Variants in DLC1 observed in about 807,000 individuals in gnomAD.
DLC1 encodes the protein rho GTPase-activating protein 7.
DLC1 carries 54 observed loss-of-function variants against 140.3 expected under a neutral mutation model. The observed-to-expected ratio is 0.38, with a 90% confidence interval of 0.31 to 0.48. The LOEUF is 0.48. Among genes scored for constraint, DLC1 ranks in the 20% least tolerant of loss-of-function variants. The probability of loss-of-function intolerance (pLI) is 0.96; values close to 1 mark genes in which losing one functional copy is unlikely to be tolerated. For missense variants in DLC1, 2,536 were observed against 1,907.0 expected, an observed-to-expected ratio of 1.33 and a Z score of -6.14; for synonymous variants, 986 against 728.1, an observed-to-expected ratio of 1.35 and a Z score of -5.70.
intron 1 of DLC1, among the ~76,000 whole-genome samples, chr8:13,556,800 G>A (rs995882866): frequency 2.6e-5 from 4 of 152,160 alleles, no homozygotes; most frequent in Admixed American, 6.5e-5. Context: ...TGTCAGAGAC[G>A]CTGCTGAGTA....
chr8:13,587,546 C>A (rs1167024444), intron 1 of DLC1, among the ~76,000 whole-genome samples: 2 of 121,192 alleles, frequency 1.7e-5, no homozygotes, highest in Non-Finnish European at 3.6e-5. Flanking sequence ...TGTGACTATA[C>A]ACACACACAC....
chr8:13,299,156 A>C (rs959625045), intron 5 of DLC1, among the ~76,000 whole-genome samples: 1 of 151,978 alleles, frequency 6.6e-6, no homozygotes, highest in Non-Finnish European at 1.5e-5. Flanking sequence ...AAAAAAAAAA[A>C]ATGTGGATGG....
At chr8:13,095,022 C>T in intron 11 of DLC1, 64 bp downstream of exon 11, 1 of 1,613,526 alleles carries the variant, frequency 6.2e-7, no homozygotes, top group East Asian at 2.2e-5. Flanking sequence ...CACCACACAA[C>T]TAGAAGAAGC....
chr8:13,565,333 A>G lies in DLC1; in HGVS notation c.-126+39204T>C, dbSNP rs552238867. On this transcript the variant is annotated intron_variant, in intron 1 of 1. Transcript: ENST00000631382. Reference sequence around the variant, plus strand: ...ATTTTAAGTATAGCTCCCTTGTTCAATGTTATGGATAAGATATAGCTAAAA... The same window carrying G: ...ATTTTAAGTATAGCTCCCTTGTTCAGTGTTATGGATAAGATATAGCTAAAA... Among the ~76,000 whole-genome samples, 39 of 152,314 alleles carry G rather than the reference A, an allele frequency of 2.6e-4. No individual in the cohort carries two copies. In the South Asian group the frequency reaches 6.4e-3, roughly 25 times the overall value.
intron 5 of DLC1, among the ~76,000 whole-genome samples, chr8:13,265,643 T>C (rs1830654032): frequency 6.6e-6 from 1 of 152,062 alleles, no homozygotes; most frequent in Non-Finnish European, 1.5e-5. Context: ...CAAATGTCCT[T>C]CATAGGCTGT....
At chr8:13,451,254 G>T (rs1275610211) in intron 2 of DLC1, among the ~76,000 whole-genome samples, 12 of 151,750 alleles carry the variant, frequency 7.9e-5, no homozygotes, top group Admixed American at 7.9e-4. Context: ...ATACATAGTA[G>T]GTGTATATAT....
chr8:13,363,358 A>G (rs1252080677), intron 4 of DLC1, among the ~76,000 whole-genome samples: 3 of 141,368 alleles, frequency 2.1e-5, no homozygotes, highest in African/African-American at 8.0e-5. Context: ...CGTGAATGCT[A>G]AGCATTTGCA....
intron 5 of DLC1, among the ~76,000 whole-genome samples, chr8:13,139,601 C>G (rs556819395): frequency 2.0e-4 from 30 of 152,292 alleles, no homozygotes; most frequent in African/African-American, 6.7e-4. Flanking sequence ...GATAAATCAA[C>G]CAGCATGCTT....
intron 1 of DLC1, among the ~76,000 whole-genome samples, chr8:13,508,407 G>A (rs569440930): frequency 2.1e-5 from 3 of 145,300 alleles, no homozygotes; most frequent in South Asian, 2.2e-4. Context: ...CTTTATGGAT[G>A]TAGTAACTTC....
chr8:13,581,903 C>T (rs556956458), intron 1 of DLC1, among the ~76,000 whole-genome samples: 4 of 152,118 alleles, frequency 2.6e-5, no homozygotes, highest in Admixed American at 6.5e-5. Context: ...CTGAAGTCCA[C>T]GCATCAAAGG....
intron 5 of DLC1, among the ~76,000 whole-genome samples, chr8:13,154,436 C>T (rs1327241420): frequency 6.6e-6 from 1 of 152,228 alleles, no homozygotes; most frequent in African/African-American, 2.4e-5. Context: ...AGCTGCTGGC[C>T]TGCGTGCTAA....
chr8:13,378,954 A>G (rs1836125231), intron 4 of DLC1, among the ~76,000 whole-genome samples: 1 of 152,208 alleles, frequency 6.6e-6, no homozygotes, highest in Non-Finnish European at 1.5e-5. Flanking sequence ...ATAAATATAT[A>G]ATGTTAACAG....
At chr8:13,427,280 A>G (rs1462164156) in intron 2 of DLC1, among the ~76,000 whole-genome samples, 1 of 151,886 alleles carries the variant, frequency 6.6e-6, no homozygotes, top group Non-Finnish European at 1.5e-5. Flanking sequence ...TCTCTGTCCA[A>G]CTCGGCTCAT....
At position 13,100,484 on chromosome 8, in the gene DLC1, G is replaced by T. The variant is rs750401501; in HGVS notation, c.1853C>A (p.Thr618Asn). The change falls in exon 9 of 18, where the codon ACT becomes AAT. Residue 618 changes from threonine to asparagine, a missense_variant. Coordinates refer to ENST00000276297, the MANE Select transcript of DLC1 (RefSeq NM_182643.3). ...GGAGCAAACGCTGATGACGGAGTTA[G>T]TCCGGGGGGTGGCAGCATCCTCGCT... Reference protein sequence around the residue: ...PPSEDAATPRTNSVISVCSSS... With the variant: ...PPSEDAATPRNNSVISVCSSS... 3 of 1,613,018 alleles carry T rather than the reference G, an allele frequency of 1.9e-6. No individual in the cohort carries two copies. The highest frequency in any genetic ancestry group is 2.5e-6 in the Non-Finnish European group (3 of 1,179,968).
At chr8:13,386,853 G>A (rs539562593) in intron 4 of DLC1, among the ~76,000 whole-genome samples, 2 of 151,794 alleles carry the variant, frequency 1.3e-5, no homozygotes, top group African/African-American at 4.8e-5. Flanking sequence ...TATAAATTTT[G>A]CCTATTTTTC....
chr8:13,088,793 G>T, intron 15 of DLC1, 89 bp from the exon 16 acceptor site: 1 of 1,097,950 alleles, frequency 9.1e-7, no homozygotes, highest in Non-Finnish European at 1.3e-6. Flanking sequence ...AACAATTTTA[G>T]TTACATATAA....
intron 4 of DLC1, among the ~76,000 whole-genome samples, chr8:13,390,878 C>T (rs1836725026): frequency 6.6e-6 from 1 of 151,898 alleles, no homozygotes; most frequent in South Asian, 2.1e-4. Context: ...GTCCCAGCTA[C>T]TCGGGAGGCT....
chr8:13,499,098 A>G lies in DLC1; in HGVS notation c.974T>C (p.Leu325Pro), dbSNP rs151016316. ...GTTATCTGTGGGTTCCTGGGTGGCC[A>G]GGGTCTCCTTTAATTGTAAACACTG... ...GMQCLQLKET[L>P]ATQEPTDNQV... The change falls in exon 2 of 18, where the codon CTG (leucine) becomes CCG (proline). Residue 325 changes from leucine to proline, a missense_variant. Transcript: ENST00000276297. The G allele has an allele frequency of 1.1e-5, 18 of 1,613,850 alleles. No homozygotes were observed. In the African/African-American group the frequency reaches 1.5e-4, roughly 13 times the overall value.
chr8:13,500,201 T>A lies in DLC1; in HGVS notation c.-125-5A>T. 2.4e-6 allele frequency: 2 copies of A among 817,138 alleles called. No individual in the cohort carries two copies. Among genetic ancestry groups the A allele is most frequent in the Non-Finnish European group, 3.7e-6 (2 of 541,306 alleles). The allele number at this position is 817,138 out of a possible 1,614,324, so 50.6% of individuals were successfully genotyped here. A position where few individuals can be genotyped will look rare whatever the true frequency, so the allele number is the denominator to read the frequency against. ...TGAGTTCTGTCATTTCACCACCTAT[T>A]AAAAAATTCAAAAAAATATGTAGTC... On this transcript the variant is annotated splice_polypyrimidine_tract_variant and splice_region_variant and intron_variant, in intron 1 of 17. Coordinates refer to ENST00000276297, the MANE Select transcript of DLC1 (RefSeq NM_182643.3).
Sources: gnomAD v4.1 joint callset for allele counts (sites outside exome capture counted in the v4.1 genomes callset) on GRCh38, gnomAD v4.1.1 for gene constraint, MANE v1.5 for transcripts, NCBI Gene and HGNC (gene_info 2026-07-23, HGNC 2026-07-21) for gene names.